Variants in MLH3 observed in about 807,000 individuals in gnomAD.
MLH3 encodes the protein DNA mismatch repair protein Mlh3.
A neutral mutation model predicts 122.2 loss-of-function variants in MLH3; 82 were observed. The ratio of observed to expected loss-of-function variants is 0.67; its 90% CI spans 0.56 to 0.81. The LOEUF (loss-of-function observed/expected upper bound fraction) is 0.81. Among genes scored for constraint, MLH3 ranks in the 30% least tolerant of loss-of-function variants. The probability of loss-of-function intolerance (pLI) is 0.00; values close to 1 mark genes in which losing one functional copy is unlikely to be tolerated. For missense variants in MLH3, 1,539 were observed against 1,714.5 expected, an observed-to-expected ratio of 0.90 and a Z score of 1.81; for synonymous variants, 524 against 599.5, an observed-to-expected ratio of 0.87 and a Z score of 1.84.
intron 12 of MLH3, among the ~76,000 whole-genome samples, chr14:75,018,291 T>C (rs1488919102): frequency 1.3e-5 from 2 of 152,218 alleles, no homozygotes; most frequent in Non-Finnish European, 2.9e-5. Flanking sequence ...ATTATCCACA[T>C]TGTAGTTTGC....
chr14:75,031,290 C>A (rs942257342), intron 8 of MLH3, among the ~76,000 whole-genome samples: 3 of 152,174 alleles, frequency 2.0e-5, no homozygotes, highest in Non-Finnish European at 2.9e-5. Context: ...TCGCCCCTTC[C>A]TTACATCCCA....
intron 5 of MLH3, 122 bp downstream of exon 5, chr14:75,039,789 T>A: frequency 7.0e-6 from 2 of 286,172 alleles, no homozygotes; most frequent in Non-Finnish European, 1.2e-5. Flanking sequence ...CACACACACG[T>A]GCCTTGACCA....
intron 9 of MLH3, 80 bp downstream of exon 9, chr14:75,030,463 A>T: frequency 1.4e-6 from 2 of 1,380,594 alleles, no homozygotes; most frequent in Non-Finnish European, 2.1e-6. Flanking sequence ...TGAAGAAAAG[A>T]TGAATTCAGA....
chr14:75,035,176 A>T (rs1191988756), intron 6 of MLH3, among the ~76,000 whole-genome samples: 1 of 151,944 alleles, frequency 6.6e-6, no homozygotes, highest in Non-Finnish European at 1.5e-5. Flanking sequence ...GAGTATCATT[A>T]GTAGAGATTC....
chr14:75,032,113 G>T lies in MLH3; in HGVS notation c.3782C>A (p.Pro1261His). 1 of 1,613,890 alleles carries T rather than the reference G, an allele frequency of 6.2e-7. No individual in the cohort carries two copies. The highest frequency in any genetic ancestry group is 1.1e-5 in the South Asian group (1 of 91,080). ...CTCTGTCACTGTTATCTCTAGCGGA[G>T]GAATTAGAGTAGAAGACAGTAATTT... Reference protein sequence around the residue: ...RKKLLSSTLIPPLEITVTEEQ... With the variant: ...RKKLLSSTLIHPLEITVTEEQ... The change falls in exon 8 of 13, where the codon CCT becomes CAT. Residue 1261 changes from proline to histidine, a missense_variant. Coordinates refer to ENST00000355774, the MANE Select transcript of MLH3 (RefSeq NM_001040108.2).
At chr14:75,023,871 A>G (rs1302067443) in intron 9 of MLH3, among the ~76,000 whole-genome samples, 1 of 152,224 alleles carries the variant, frequency 6.6e-6, no homozygotes, top group Non-Finnish European at 1.5e-5. Context: ...TCCCTCCTTC[A>G]TCTATACTCT....
intron 6 of MLH3, among the ~76,000 whole-genome samples, chr14:75,037,750 C>T (rs778090872): frequency 1.4e-4 from 21 of 151,526 alleles, no homozygotes; most frequent in South Asian, 2.1e-4. Context: ...CCCAGGAGTT[C>T]GAGACCTACC....
At chr14:75,032,549 C>G (rs1408364568) in intron 7 of MLH3, among the ~76,000 whole-genome samples, 2 of 152,162 alleles carry the variant, frequency 1.3e-5, no homozygotes, top group Non-Finnish European at 2.9e-5. Flanking sequence ...TGAGCAGGGT[C>G]TCCCAGTCTC....
At chr14:75,026,731 G>A (rs936972797) in intron 9 of MLH3, among the ~76,000 whole-genome samples, 2 of 152,180 alleles carry the variant, frequency 1.3e-5, no homozygotes, top group South Asian at 2.1e-4. Flanking sequence ...GTGAACCATC[G>A]TAAAAGCAAC....
At position 75,038,357 on chromosome 14, in the gene MLH3, T is replaced by G; in HGVS notation, c.3626A>C (p.Glu1209Ala). 1 of 1,613,760 alleles carries G rather than the reference T, an allele frequency of 6.2e-7. No individual in the cohort carries two copies. Among genetic ancestry groups the G allele is most frequent in the Non-Finnish European group, 8.5e-7 (1 of 1,179,682 alleles). The change falls in exon 6 of 13, where the codon GAA (glutamate) becomes GCA (alanine). Residue 1209 changes from glutamate to alanine, a missense_variant. Coordinates refer to ENST00000355774, the MANE Select transcript of MLH3 (RefSeq NM_001040108.2). The part of the protein sequence containing the change: ...FIACLMSTKT[E>A]ENGEAGGNLL... The stretch of plus-strand genomic sequence containing the variant: ...ATTCTTACCTGCCTCGCCATTCTCT[T>G]CAGTCTTAGTGCTCATCAAACAGGC...
In MLH3 at chr14:75,016,898, T is replaced by G. The variant is rs1889917074; in HGVS notation, c.*184A>C. The G allele has an allele frequency of 1.5e-6, 1 of 659,480 alleles. No homozygotes were observed. Among genetic ancestry groups the G allele is most frequent in the African/African-American group, 1.8e-5 (1 of 56,410 alleles). The allele number at this position is 659,480 out of a possible 1,614,324, so 40.9% of individuals were successfully genotyped here. A position where few individuals can be genotyped will look rare whatever the true frequency, so the allele number is the denominator to read the frequency against. On this transcript the variant is annotated 3_prime_UTR_variant, in exon 13 of 13. Transcript: ENST00000355774. ...ATTGTCTTTAGGCTTGAATTTCATCTGGCTACTCAACTAGGGGAATCATCT... is the reference window on the plus strand; with the variant it reads ...ATTGTCTTTAGGCTTGAATTTCATCGGGCTACTCAACTAGGGGAATCATCT...
intron 9 of MLH3, among the ~76,000 whole-genome samples, chr14:75,027,684 A>AC (rs1890737870): frequency 1.3e-5 from 2 of 149,996 alleles, no homozygotes; most frequent in Non-Finnish European, 3.0e-5. Flanking sequence ...AAAAAAAAAA[A>AC]AAAAAAAAAA....
intron 11 of MLH3, 154 bp from the exon 12 acceptor site, chr14:75,019,134 G>C: frequency 4.2e-6 from 3 of 713,200 alleles, no homozygotes; most frequent in Non-Finnish European, 7.1e-6. Context: ...CTTATAGGCC[G>C]GGCATGGTGT....
Position 75,042,457 on chromosome 14 carries a change from G to C in MLH3, c.3301C>G (p.Pro1101Ala). 3 of 1,613,886 alleles carry C rather than the reference G, an allele frequency of 1.9e-6. No homozygotes were observed. Among genetic ancestry groups the C allele is most frequent in the Non-Finnish European group, 2.5e-6 (3 of 1,179,766 alleles). ...LENGSQYRCQ[P>A]FRSDLVLPFL... ...GGAAGAACAAGGTCGCTTCTAAAAGGTTGACACCTGTACTGAGACCCTAAA... is the reference window on the plus strand; with the variant it reads ...GGAAGAACAAGGTCGCTTCTAAAAGCTTGACACCTGTACTGAGACCCTAAA... Residue 1101 changes from proline (P) to alanine (A), a missense_variant, in exon 3 of 13, where the codon CCT (proline) becomes GCT (alanine). Pro to Ala is a conservative substitution (Grantham distance 27). Coordinates refer to ENST00000355774, the MANE Select transcript of MLH3 (RefSeq NM_001040108.2).
chr14:75,033,450 A>G lies in MLH3; in HGVS notation c.3684T>C (p.His1228=), dbSNP rs1356885498. 1 of 1,614,214 alleles carries G rather than the reference A, an allele frequency of 6.2e-7. No individual in the cohort carries two copies. The highest frequency in any genetic ancestry group is 8.5e-7 in the Non-Finnish European group (1 of 1,180,036). The change falls in exon 7 of 13, where the codon CAT becomes CAC. Residue 1228 remains histidine, a synonymous_variant. Coordinates refer to ENST00000355774, the MANE Select transcript of MLH3 (RefSeq NM_001040108.2). ...TAAGCTGCTCCAGACGTATACGCTCATGGGCAGCGTGCTGATCCACCAGCA... is the reference window on the plus strand; with the variant it reads ...TAAGCTGCTCCAGACGTATACGCTCGTGGGCAGCGTGCTGATCCACCAGCA... ...LLVLVDQHAA[H]ERIRLEQLII...
chr14:75,047,158 G>A lies in MLH3; in HGVS notation c.2498C>T (p.Ser833Phe). Residue 833 changes from serine to phenylalanine, a missense_variant, in exon 2 of 13, where the codon TCC becomes TTC. By Grantham distance (155) the Ser-to-Phe change is radical (BLOSUM62 -2). Transcript: ENST00000355774. ...TTGTTCTAAACAATCTTCATCCTTG[G>A]AGAATGGAAACTTCTCTGAGTTAAG... The part of the protein sequence containing the change: ...HILNSEKFPF[S>F]KDEDCLEQQM... 1.2e-6 allele frequency: 2 copies of A among 1,614,092 alleles called. No individual in the cohort carries two copies. The highest frequency in any genetic ancestry group is 4.5e-5 in the East Asian group (2 of 44,870).
At position 75,046,376 on chromosome 14, in the gene MLH3, C is replaced by T; in HGVS notation, c.3280G>A (p.Gly1094Arg). ...TVAVDVVLENGSQYRCQPFRS... is the reference protein window; with the variant it reads ...TVAVDVVLENRSQYRCQPFRS... ...ATGCACATGAATACTACGTACTTAC[C>T]ATTCTCAAGTACAACATCCACAGCC... Residue 1094 changes from glycine (G) to arginine (R), a missense_variant and splice_region_variant, in exon 2 of 13, where the codon GGG becomes AGG. By Grantham distance (125) the Gly-to-Arg change is moderately radical. Transcript: ENST00000355774. The T allele has an allele frequency of 4.3e-6, 7 of 1,613,922 alleles. No homozygotes were observed. The highest frequency in any genetic ancestry group is 5.9e-6 in the Non-Finnish European group (7 of 1,179,840).
rs1316107918 is a variant in MLH3, at chr14:75,015,781, G to C, written c.*1301C>G. On this transcript the variant is annotated 3_prime_UTR_variant, in exon 13 of 13. Transcript: ENST00000355774. ...TTCTCTGGGGCAGACGCTAATGAATGCAATACTTTCATTGCTCCTGTAAGA... is the reference window on the plus strand; with the variant it reads ...TTCTCTGGGGCAGACGCTAATGAATCCAATACTTTCATTGCTCCTGTAAGA... The C allele has an allele frequency of 1.3e-5, 3 of 223,794 alleles. No individual in the cohort carries two copies. Among genetic ancestry groups the C allele is most frequent in the Non-Finnish European group, 2.7e-5 (3 of 112,190 alleles). The allele number at this position is 223,794 out of a possible 1,614,324, so 13.9% of individuals were successfully genotyped here. A position where few individuals can be genotyped will look rare whatever the true frequency, so the allele number is the denominator to read the frequency against.
intron 2 of MLH3, 144 bp downstream of exon 2, chr14:75,046,232 A>G: frequency 1.2e-6 from 1 of 827,492 alleles, no homozygotes; most frequent in Non-Finnish European, 1.9e-6. Context: ...TTCATATAGC[A>G]TGAAAATACA....
Sources: gnomAD v4.1 joint callset for allele counts (sites outside exome capture counted in the v4.1 genomes callset) on GRCh38, gnomAD v4.1.1 for gene constraint, MANE v1.5 for transcripts, NCBI Gene and HGNC (gene_info 2026-07-23, HGNC 2026-07-21) for gene names.